DOCK3: variants seen among roughly 807,000 people sequenced by gnomAD.
DOCK3 encodes the protein dedicator of cytokinesis protein 3.
Under a neutral mutation model 265.6 loss-of-function variants are expected in DOCK3, and 60 were observed. The observed-to-expected ratio is 0.23, with a 90% confidence interval of 0.18 to 0.28. The LOEUF is 0.28. Ranked by LOEUF, DOCK3 falls within the 10% of genes least tolerant of loss-of-function variation. DOCK3 has a pLI of 1.00. For synonymous variants in DOCK3, 881 were observed against 938.0 expected (o/e 0.94, Z 1.11); for missense variants, 1,981 against 2,594.3 (o/e 0.76, Z 5.14).
intron 30 of DOCK3, 105 bp downstream of exon 30, chr3:51,312,681 T>A (rs113786671): frequency 0.028 from 35,763 of 1,287,986 alleles, 659 homozygotes; most frequent in Non-Finnish European, 0.03. Context: ...CTGGGTGGTT[T>A]CCCAGGGGCC....
intron 2 of DOCK3, among the ~76,000 whole-genome samples, chr3:50,828,659 C>T (rs923972499): frequency 1.3e-5 from 2 of 151,944 alleles, no homozygotes; most frequent in Non-Finnish European, 2.9e-5. Flanking sequence ...CCCGCCTTGG[C>T]CCCCCAAAGT....
intron 2 of DOCK3, among the ~76,000 whole-genome samples, chr3:50,819,588 GTCCTCATTTCTCATTA>G (rs2044287176): frequency 6.6e-6 from 1 of 152,148 alleles, no homozygotes; most frequent in South Asian, 2.1e-4. Flanking sequence ...ACCTCTAGTT[GTCCTCATTTCTCATTA>G]TACACTAATT....
chr3:51,313,502 T>C (rs1231393205), intron 31 of DOCK3, among the ~76,000 whole-genome samples: 2 of 152,194 alleles, frequency 1.3e-5, no homozygotes, highest in Non-Finnish European at 2.9e-5. Flanking sequence ...AATCTAAATT[T>C]GTCAGATCAG....
At chr3:51,196,121 A>T (rs2088281250) in intron 12 of DOCK3, among the ~76,000 whole-genome samples, 1 of 148,958 alleles carries the variant, frequency 6.7e-6, no homozygotes, top group Admixed American at 6.7e-5. Context: ...TTTTTTTCAA[A>T]GATTGGTTCT....
chr3:51,036,471 A>G (rs2080270268), intron 5 of DOCK3, among the ~76,000 whole-genome samples: 2 of 152,158 alleles, frequency 1.3e-5, no homozygotes, highest in South Asian at 4.1e-4. Context: ...TGAACATTCT[A>G]CCTTTAGGTA....
intron 5 of DOCK3, among the ~76,000 whole-genome samples, chr3:51,011,116 A>C (rs1011144211): frequency 6.6e-6 from 1 of 152,000 alleles, no homozygotes; most frequent in African/African-American, 2.4e-5. Flanking sequence ...GCTCTTCTCG[A>C]GGAGTGTCTT....
intron 23 of DOCK3, among the ~76,000 whole-genome samples, chr3:51,270,585 G>T (rs767433778): frequency 6.6e-6 from 1 of 152,212 alleles, no homozygotes; most frequent in Non-Finnish European, 1.5e-5. Flanking sequence ...TGCAAGTTAT[G>T]AAAGCCTCCA....
intron 1 of DOCK3, chr3:50,685,423 G>A (rs1052076477): frequency 2.6e-5 from 4 of 152,616 alleles, no homozygotes; most frequent in African/African-American, 9.7e-5. Flanking sequence ...CACTTCTTGA[G>A]TATCAGTTGT....
At chr3:51,131,407 G>A (rs1303951315) in intron 9 of DOCK3, among the ~76,000 whole-genome samples, 1 of 152,090 alleles carries the variant, frequency 6.6e-6, no homozygotes, top group Non-Finnish European at 1.5e-5. Flanking sequence ...GTCTCCTTGG[G>A]GAAGGATGGG....
chr3:50,702,569 A>G (rs2036119656), intron 1 of DOCK3, among the ~76,000 whole-genome samples: 1 of 151,940 alleles, frequency 6.6e-6, no homozygotes, highest in Non-Finnish European at 1.5e-5. Flanking sequence ...GGGTTTCACC[A>G]TGTTGGTCAG....
intron 4 of DOCK3, among the ~76,000 whole-genome samples, chr3:50,919,415 C>T (rs2050309321): frequency 1.3e-5 from 2 of 152,068 alleles, no homozygotes; most frequent in African/African-American, 4.8e-5. Context: ...TTGTTTGTGT[C>T]CTCTTTTATT....
At chr3:51,215,796 A>T (rs1053542515) in intron 14 of DOCK3, among the ~76,000 whole-genome samples, 4 of 152,188 alleles carry the variant, frequency 2.6e-5, no homozygotes, top group Non-Finnish European at 4.4e-5. Context: ...TGGATGGGAA[A>T]TGTAGGCTAG....
intron 3 of DOCK3, among the ~76,000 whole-genome samples, chr3:50,847,741 G>A (rs188288077): frequency 1.5e-3 from 229 of 152,008 alleles, no homozygotes; most frequent in South Asian, 3.6e-3. Flanking sequence ...AAAATCAGCC[G>A]GGCATGGTAG....
intron 1 of DOCK3, among the ~76,000 whole-genome samples, chr3:50,740,384 C>T (rs764831220): frequency 3.9e-5 from 6 of 151,912 alleles, no homozygotes; most frequent in Non-Finnish European, 8.8e-5. Context: ...GAGAAAATAC[C>T]GAGGAATGGA....
At chr3:50,721,807 G>A (rs1021091395) in intron 1 of DOCK3, among the ~76,000 whole-genome samples, 17 of 152,186 alleles carry the variant, frequency 1.1e-4, no homozygotes, top group African/African-American at 4.1e-4. Context: ...TAACAATATT[G>A]GTTTCTTCAT....
At chr3:51,330,046 GT>G (rs1355030384) in intron 32 of DOCK3, 91 bp from the exon 33 acceptor site, 4 of 1,288,304 alleles carry the variant, frequency 3.1e-6, no homozygotes, top group Non-Finnish European at 4.4e-6. Flanking sequence ...TCAGGAAGTA[GT>G]TTCCCACCAT....
At chr3:51,268,407 T>G (rs1049427155) in intron 23 of DOCK3, among the ~76,000 whole-genome samples, 38 of 152,150 alleles carry the variant, frequency 2.5e-4, no homozygotes, top group Admixed American at 7.2e-4. Flanking sequence ...AAGAATTCAT[T>G]ACCCCAGTCA....
intron 5 of DOCK3, among the ~76,000 whole-genome samples, chr3:51,036,262 G>C (rs1306841393): frequency 6.6e-6 from 1 of 152,180 alleles, no homozygotes; most frequent in African/African-American, 2.4e-5. Context: ...TCCCTCTGGG[G>C]AGTGGAACTC....
At chr3:50,795,087 C>T (rs2042697244) in intron 2 of DOCK3, among the ~76,000 whole-genome samples, 1 of 151,986 alleles carries the variant, frequency 6.6e-6, no homozygotes, top group Non-Finnish European at 1.5e-5. Context: ...TTGGGTTTCT[C>T]CTGAGAGGTC....
Sources: gnomAD v4.1 joint callset for allele counts (sites outside exome capture counted in the v4.1 genomes callset) on GRCh38, gnomAD v4.1.1 for gene constraint, MANE v1.5 for transcripts, NCBI Gene and HGNC (gene_info 2026-07-23, HGNC 2026-07-21) for gene names.